PKNOX2: variants seen among roughly 807,000 people sequenced by gnomAD.
PKNOX2 encodes the protein PBX/knotted 1 homeobox 2, also known as homeobox protein PKNOX2.
Under a neutral mutation model 53.1 loss-of-function variants are expected in PKNOX2, and 14 were observed. The observed-to-expected ratio is 0.26, with a 90% CI of 0.17 to 0.41. The LOEUF (loss-of-function observed/expected upper bound fraction) is 0.41, where lower values mean the gene tolerates loss of function less well. Among genes scored for constraint, PKNOX2 ranks in the 10% least tolerant of loss-of-function variants. The probability of loss-of-function intolerance (pLI) is 1.00; values close to 1 mark genes in which losing one functional copy is unlikely to be tolerated. For missense variants in PKNOX2, 496 were observed against 602.8 expected, an observed-to-expected ratio of 0.82 and a Z score of 1.85; for synonymous variants, 257 against 242.8, an observed-to-expected ratio of 1.06 and a Z score of -0.54.
intron 1 of PKNOX2, among the ~76,000 whole-genome samples, chr11:125,205,585 C>T (rs1432589525): frequency 1.3e-5 from 2 of 150,086 alleles, no homozygotes; most frequent in African/African-American, 4.8e-5. Context: ...CTAGGATAAG[C>T]AGAGACTGGG....
chr11:125,187,195 G>T (rs974268006), intron 1 of PKNOX2, among the ~76,000 whole-genome samples: 74 of 151,838 alleles, frequency 4.9e-4, no homozygotes, highest in African/African-American at 1.6e-3. Context: ...GGCTATTCAG[G>T]GCCCCTTGCA....
At chr11:125,179,172 A>G (rs1956005778) in intron 1 of PKNOX2, among the ~76,000 whole-genome samples, 1 of 152,162 alleles carries the variant, frequency 6.6e-6, no homozygotes, top group Non-Finnish European at 1.5e-5. Flanking sequence ...TTTATTAGGT[A>G]TCCTGAGCAT....
intron 1 of PKNOX2, among the ~76,000 whole-genome samples, chr11:125,189,421 G>A (rs60833025): frequency 0.37 from 15,376 of 41,106 alleles, 1,672 homozygotes; most frequent in East Asian, 0.49. Flanking sequence ...ATATGTGTGT[G>A]TGTGTGTGTG....
intron 2 of PKNOX2, among the ~76,000 whole-genome samples, chr11:125,298,702 G>GATGA (rs1259965737): frequency 3.3e-5 from 5 of 152,208 alleles, no homozygotes; most frequent in Non-Finnish European, 7.3e-5. Context: ...TGGATGGATG[G>GATGA]ATGAATGAAT....
intron 1 of PKNOX2, among the ~76,000 whole-genome samples, chr11:125,216,494 G>C (rs991072575): frequency 6.6e-6 from 1 of 152,188 alleles, no homozygotes; most frequent in South Asian, 2.1e-4. Context: ...GGGAGGCACC[G>C]AGGCTGAGAA....
At chr11:125,408,789 A>G (rs972551391) in intron 7 of PKNOX2, among the ~76,000 whole-genome samples, 5 of 152,110 alleles carry the variant, frequency 3.3e-5, no homozygotes, top group African/African-American at 1.2e-4. Flanking sequence ...TGCTACAGGT[A>G]GGCAGTCACT....
At chr11:125,326,168 G>A (rs1056366592) in intron 2 of PKNOX2, among the ~76,000 whole-genome samples, 1 of 152,216 alleles carries the variant, frequency 6.6e-6, no homozygotes, top group African/African-American at 2.4e-5. Context: ...GGGAGATTAA[G>A]ATTCACGCAC....
chr11:125,222,534 A>G (rs1259968869), intron 1 of PKNOX2, among the ~76,000 whole-genome samples: 1 of 151,942 alleles, frequency 6.6e-6, no homozygotes, highest in Non-Finnish European at 1.5e-5. Context: ...GCCTTTTCTA[A>G]CATCTATACA....
chr11:125,406,793 T>C (rs889400509), intron 7 of PKNOX2, among the ~76,000 whole-genome samples: 2 of 151,916 alleles, frequency 1.3e-5, no homozygotes, highest in Non-Finnish European at 2.9e-5. Context: ...TGGAACAGCG[T>C]GGTGAAAGCT....
chr11:125,204,661 A>T (rs1938858248), intron 1 of PKNOX2, among the ~76,000 whole-genome samples: 1 of 152,160 alleles, frequency 6.6e-6, no homozygotes, highest in Non-Finnish European at 1.5e-5. Flanking sequence ...CTCGCCTCCC[A>T]TTTCAATTGT....
intron 1 of PKNOX2, among the ~76,000 whole-genome samples, chr11:125,175,207 AGAAG>A (rs368917674): frequency 0.019 from 2,616 of 139,024 alleles, 40 homozygotes; most frequent in East Asian, 0.055. Flanking sequence ...GGGTTTGAGG[AGAAG>A]GAAGGAAGGA....
intron 2 of PKNOX2, among the ~76,000 whole-genome samples, chr11:125,263,418 C>T (rs1046941609): frequency 3.3e-5 from 5 of 152,218 alleles, no homozygotes; most frequent in African/African-American, 9.7e-5. Context: ...CTGCTGGCGA[C>T]GGCTCCAGCC....
intron 3 of PKNOX2, among the ~76,000 whole-genome samples, chr11:125,335,204 G>T (rs1012003071): frequency 2.0e-5 from 3 of 152,172 alleles, no homozygotes; most frequent in African/African-American, 7.2e-5. Context: ...ATTCTGAGCA[G>T]CTCCTGAACG....
At chr11:125,259,936 G>C (rs1944710104) in intron 2 of PKNOX2, among the ~76,000 whole-genome samples, 1 of 151,426 alleles carries the variant, frequency 6.6e-6, no homozygotes, top group Non-Finnish European at 1.5e-5. Flanking sequence ...GAGTGCAGTG[G>C]CACAATCACA....
chr11:125,237,463 C>T (rs1354393012), intron 2 of PKNOX2, among the ~76,000 whole-genome samples: 1 of 152,184 alleles, frequency 6.6e-6, no homozygotes, highest in African/African-American at 2.4e-5. Context: ...TTGCAGTCGT[C>T]TTTAGAGAAT....
chr11:125,396,567 A>G (rs1954412483), intron 6 of PKNOX2, among the ~76,000 whole-genome samples: 1 of 142,388 alleles, frequency 7.0e-6, no homozygotes, highest in Non-Finnish European at 1.5e-5. Flanking sequence ...CTAAAGAATA[A>G]TGCAGAAACT....
intron 2 of PKNOX2, among the ~76,000 whole-genome samples, chr11:125,314,620 T>A (rs546677269): frequency 6.6e-6 from 1 of 152,106 alleles, no homozygotes; most frequent in East Asian, 1.9e-4. Flanking sequence ...CCGGGCTAGA[T>A]GCCCACAGCT....
At chr11:125,245,893 G>A (rs967501473) in intron 2 of PKNOX2, among the ~76,000 whole-genome samples, 1 of 152,180 alleles carries the variant, frequency 6.6e-6, no homozygotes, top group Non-Finnish European at 1.5e-5. Context: ...GCCTGGGAAA[G>A]TCCAGGGGTT....
At chr11:125,393,158 CAAAA>C (rs571335360) in intron 6 of PKNOX2, among the ~76,000 whole-genome samples, 1 of 70,238 alleles carries the variant, frequency 1.4e-5, no homozygotes, top group African/African-American at 4.8e-5. Flanking sequence ...AGACTCGTCT[CAAAA>C]AAAAAAAAAA....
Sources: gnomAD v4.1 joint callset for allele counts (sites outside exome capture counted in the v4.1 genomes callset) on GRCh38, gnomAD v4.1.1 for gene constraint, MANE v1.5 for transcripts, NCBI Gene and HGNC (gene_info 2026-07-23, HGNC 2026-07-21) for gene names.